THEMIS: variants seen among roughly 807,000 people sequenced by gnomAD.
The protein encoded by THEMIS is protein THEMIS.
In THEMIS, 37 loss-of-function variants were observed where a neutral mutation model predicts 52.6. That is an observed-to-expected ratio of 0.70 (90% CI 0.54 to 0.93). The LOEUF (loss-of-function observed/expected upper bound fraction) is 0.93. Among genes scored for constraint, THEMIS ranks in the 40% least tolerant of loss-of-function variants. THEMIS has a pLI of 0.00. For synonymous variants in THEMIS, 292 were observed against 272.7 expected (o/e 1.07, Z -0.70); for missense variants, 808 against 763.1 (o/e 1.06, Z -0.69).
chr6:127,737,174 C>A (rs1046989841), intron 4 of THEMIS, among the ~76,000 whole-genome samples: 1 of 152,124 alleles, frequency 6.6e-6, no homozygotes, highest in African/African-American at 2.4e-5. Flanking sequence ...CTACTCCTGG[C>A]TGAGGAAGCA....
rs554082369 is a variant in THEMIS at position 127,910,406 on chromosome 6, C to G, written c.-150+8022G>C. 2.8e-4 allele frequency among the ~76,000 whole-genome samples: 42 copies of G among 152,168 alleles called. No homozygotes were observed. The South Asian group carries it at 8.3e-3, about 30-fold the overall frequency. On this transcript the variant is annotated intron_variant, in intron 1 of 6. Coordinates refer to the THEMIS transcript ENST00000368250. Reference sequence around the variant, plus strand: ...TAGGGAAGAAAATTCTTGCTATAAACAGTTACAATCTCATTACGTAAGTAT... The same window carrying G: ...TAGGGAAGAAAATTCTTGCTATAAAGAGTTACAATCTCATTACGTAAGTAT...
At chr6:127,819,118 T>TAAAAAAAAAAAAAAAAAAAAA (rs142123167) in intron 3 of THEMIS, among the ~76,000 whole-genome samples, 6 of 19,480 alleles carry the variant, frequency 3.1e-4, no homozygotes, top group African/African-American at 4.0e-4. Context: ...AGACTCTGTC[T>TAAAAAAAAAAAAAAAAAAAAA]AAAAAAAAAA....
chr6:127,737,048 A>G (rs1775032368), intron 4 of THEMIS, among the ~76,000 whole-genome samples: 1 of 152,140 alleles, frequency 6.6e-6, no homozygotes, highest in Non-Finnish European at 1.5e-5. Flanking sequence ...TTAGACTGTA[A>G]ACAAATACCT....
At chr6:127,726,967 T>C (rs1774568883) in intron 4 of THEMIS, among the ~76,000 whole-genome samples, 1 of 152,206 alleles carries the variant, frequency 6.6e-6, no homozygotes, top group East Asian at 1.9e-4. Context: ...TTCTTAATAA[T>C]TGCATTTTAA....
At chr6:127,760,440 TATTAC>T (rs1224438356) in intron 4 of THEMIS, among the ~76,000 whole-genome samples, 1 of 152,140 alleles carries the variant, frequency 6.6e-6, no homozygotes, top group African/African-American at 2.4e-5. Context: ...TTTTGATAGG[TATTAC>T]ATTAAATCTG....
At chr6:127,809,475 G>A (rs1483825525) in intron 4 of THEMIS, among the ~76,000 whole-genome samples, 1 of 152,120 alleles carries the variant, frequency 6.6e-6, no homozygotes, top group African/African-American at 2.4e-5. Context: ...CTGAAAATAA[G>A]GAGGTTAGTA....
Position 127,900,908 on chromosome 6 carries a change from C to T in THEMIS, c.25G>A (p.Val9Ile), listed in dbSNP as rs376099062. The T allele has an allele frequency of 1.9e-5, 30 of 1,612,904 alleles. No homozygotes were observed. Among genetic ancestry groups the T allele is most frequent in the African/African-American group, 5.3e-5 (4 of 74,800 alleles). Residue 9 changes from valine (V) to isoleucine (I), a missense_variant, in exon 1 of 6, where the codon GTC becomes ATC. Transcript: ENST00000368248. MALSLEEF[V>I]HSLDLRTLPR... ...AGGGTCCTGAGGTCAAGGGAGTGGA[C>T]GAATTCTTCCAGTGATAATGCCATT...
intron 4 of THEMIS, among the ~76,000 whole-genome samples, chr6:127,809,157 T>C (rs780785572): frequency 9.2e-5 from 14 of 152,214 alleles, no homozygotes; most frequent in Non-Finnish European, 1.3e-4. Flanking sequence ...TGAATAACTC[T>C]TACTATTTGT....
chr6:127,759,692 C>G (rs185774363), intron 4 of THEMIS, among the ~76,000 whole-genome samples: 2 of 152,142 alleles, frequency 1.3e-5, no homozygotes, highest in Admixed American at 6.6e-5. Flanking sequence ...CATCCCTAGT[C>G]CAAGTCACCA....
rs142111947 is a variant in THEMIS at position 127,773,414 on chromosome 6, CATTAAA to C, written c.1758+39463_1758+39468del. 3.5e-3 allele frequency among the ~76,000 whole-genome samples: 527 copies of C among 152,228 alleles called. 2 individuals carry two copies. Among genetic ancestry groups the C allele is most frequent in the African/African-American group, 0.012 (498 of 41,548 alleles). The stretch of plus-strand genomic sequence containing the variant: ...TTGAACGTTTTTATCCAGTTTTTAC[CATTAAA>C]ATTAGAACGCTGTTAAAAACATTTA... On this transcript the variant is annotated intron_variant, in intron 4 of 5. Coordinates refer to ENST00000368248, the MANE Select transcript of THEMIS (RefSeq NM_001010923.3).
upstream of THEMIS, among the ~76,000 whole-genome samples, chr6:127,905,596 G>A (rs577372380): frequency 2.2e-4 from 33 of 152,136 alleles, no homozygotes; most frequent in South Asian, 6.8e-3. Flanking sequence ...AATATATTGA[G>A]TTCCCAAAAC....
intron 4 of THEMIS, among the ~76,000 whole-genome samples, chr6:127,789,089 G>T (rs951645868): frequency 3.9e-5 from 6 of 152,044 alleles, no homozygotes; most frequent in Non-Finnish European, 8.8e-5. Flanking sequence ...ATTAATACAG[G>T]AGCTGATTTT....
intron 5 of THEMIS, 78 bp from the exon 6 acceptor site, chr6:127,710,094 C>G: frequency 4.1e-6 from 4 of 972,624 alleles, no homozygotes; most frequent in Non-Finnish European, 6.0e-6. Flanking sequence ...CTTTCAAATA[C>G]TGTCGACACT....
At chr6:127,700,087 C>T in the THEMIS span, among the ~76,000 whole-genome samples, 2 of 151,644 alleles carry the variant, frequency 1.3e-5, no homozygotes, top group African/African-American at 4.8e-5. Context: ...TATTTATATA[C>T]ATATTTATGA....
chr6:127,717,299 TA>T (rs1562210878), intron 5 of THEMIS, among the ~76,000 whole-genome samples: 2 of 151,916 alleles, frequency 1.3e-5, no homozygotes, highest in Non-Finnish European at 2.9e-5. Flanking sequence ...TATAGCTACC[TA>T]ATGGGGGAGC....
At chr6:127,831,260 T>C in intron 2 of THEMIS, among the ~76,000 whole-genome samples, 1 of 152,306 alleles carries the variant, frequency 6.6e-6, no homozygotes, top group South Asian at 2.1e-4. Context: ...ATTGTATGTC[T>C]AAGTGGTTCT....
upstream of THEMIS, among the ~76,000 whole-genome samples, chr6:127,905,680 G>A (rs1384571590): frequency 1.3e-5 from 2 of 151,944 alleles, no homozygotes; most frequent in East Asian, 1.9e-4. Flanking sequence ...GTAAAATATA[G>A]CAGTAATGCA....
intron 4 of THEMIS, among the ~76,000 whole-genome samples, chr6:127,740,179 T>C (rs187964268): frequency 1.4e-4 from 21 of 152,288 alleles, no homozygotes; most frequent in Admixed American, 5.9e-4. Context: ...GATTTTTTTT[T>C]CCTGCTTTGT....
intron 2 of THEMIS, among the ~76,000 whole-genome samples, chr6:127,853,661 G>T (rs1378763877): frequency 6.6e-6 from 1 of 151,518 alleles, no homozygotes; most frequent in African/African-American, 2.4e-5. Flanking sequence ...AGCTTTTCCT[G>T]ACTCCTCCAA....
Sources: allele counts gnomAD v4.1 joint callset (sites outside exome capture counted in the v4.1 genomes callset), GRCh38; gene constraint gnomAD v4.1.1; transcripts MANE v1.5; gene names NCBI Gene and HGNC (gene_info 2026-07-23, HGNC 2026-07-21).